The following PFDN1 variants were observed in gnomAD, a reference collection of about 807,000 sequenced individuals.
PFDN1 encodes the protein prefoldin 1.
Under a neutral mutation model 17.3 loss-of-function variants are expected in PFDN1, and 6 were observed. The observed-to-expected ratio is 0.35, with a 90% CI of 0.19 to 0.69. The LOEUF (loss-of-function observed/expected upper bound fraction) is 0.69. PFDN1 is among the 30% of genes least tolerant of loss of function. The pLI is 0.65. For synonymous variants in PFDN1, 58 were observed against 50.1 expected, an observed-to-expected ratio of 1.16 and a Z score of -0.67; for missense variants, 113 against 146.2, an observed-to-expected ratio of 0.77 and a Z score of 1.17.
intron 3 of PFDN1, among the ~76,000 whole-genome samples, chr5:140,276,199 T>G (rs1276700999): frequency 6.6e-6 from 1 of 152,166 alleles, no homozygotes; most frequent in Non-Finnish European, 1.5e-5. Flanking sequence ...TGTATCAAGC[T>G]TCCAAAGTAA....
rs1485489874 is a variant in PFDN1, at chr5:140,254,212, T to A, written c.286-8155A>T. Among the ~76,000 whole-genome samples the A allele has an allele frequency of 6.6e-6, 1 of 152,166 alleles. No individual in the cohort carries two copies. Among genetic ancestry groups the A allele is most frequent in the Non-Finnish European group, 1.5e-5 (1 of 68,026 alleles). On this transcript the variant is annotated intron_variant, in intron 3 of 3. Coordinates refer to ENST00000261813, the MANE Select transcript of PFDN1 (RefSeq NM_002622.5). The surrounding 1 kb of genome is among the most constrained non-coding windows in gnomAD (Gnocchi z 4.4). Reference sequence around the variant, plus strand: ...GTTTCGAAAGCACAGAAACAGGCAGTGGGCTGGACGGGGCAGGCGGTGGTT... The same window carrying A: ...GTTTCGAAAGCACAGAAACAGGCAGAGGGCTGGACGGGGCAGGCGGTGGTT...
intron 2 of PFDN1, among the ~76,000 whole-genome samples, chr5:140,285,602 TAATG>T (rs1765475491): frequency 6.6e-6 from 1 of 152,068 alleles, no homozygotes; most frequent in Non-Finnish European, 1.5e-5. Context: ...GTTATTGGCA[TAATG>T]AAGAGTAGAT....
intron 2 of PFDN1, among the ~76,000 whole-genome samples, chr5:140,292,084 A>T (rs1765589912): frequency 6.6e-6 from 1 of 152,140 alleles, no homozygotes; most frequent in East Asian, 1.9e-4. Context: ...TTTAAACATG[A>T]TGTTTATTTC....
intron 2 of PFDN1, among the ~76,000 whole-genome samples, chr5:140,288,138 G>A (rs763069394): frequency 2.6e-5 from 4 of 152,146 alleles, no homozygotes; most frequent in Admixed American, 6.6e-5. Flanking sequence ...ATTTGTAACC[G>A]CCAAAACTTG....
chr5:140,248,112 A>C (rs1336289033), intron 3 of PFDN1, among the ~76,000 whole-genome samples: 1 of 144,912 alleles, frequency 6.9e-6, no homozygotes, highest in Non-Finnish European at 1.5e-5. Context: ...ACTGTTGCCC[A>C]GGCTGGAGTG....
chr5:140,261,978 C>G (rs1765071818), intron 3 of PFDN1, among the ~76,000 whole-genome samples: 1 of 152,118 alleles, frequency 6.6e-6, no homozygotes, highest in African/African-American at 2.4e-5. Flanking sequence ...ACTCCACACC[C>G]ACTAAGTTAC....
intron 3 of PFDN1, among the ~76,000 whole-genome samples, chr5:140,266,709 A>G (rs1205847359): frequency 2.0e-5 from 3 of 152,276 alleles, no homozygotes; most frequent in Non-Finnish European, 4.4e-5. Context: ...ACACACACCT[A>G]AAAATTTGCT....
chr5:140,274,027 T>C lies in PFDN1; in HGVS notation c.285+7422A>G, dbSNP rs1037189057. 5 of 271,624 alleles carry C rather than the reference T, an allele frequency of 1.8e-5. No homozygotes were observed. In the Admixed American group the frequency reaches 2.6e-4, roughly 14 times the overall value. 16.8% of individuals were successfully genotyped at this position (271,624 alleles called of 1,614,324 possible). A position where few individuals can be genotyped will look rare whatever the true frequency, so the allele number is the denominator to read the frequency against. On this transcript the variant is annotated intron_variant, in intron 3 of 3. Coordinates refer to ENST00000261813, the MANE Select transcript of PFDN1 (RefSeq NM_002622.5). ...CATTTACCTCAAGGATTCCTAATAG[T>C]TGAGATTCAGAAGGTCAGGAGCTCA...
intron 3 of PFDN1, among the ~76,000 whole-genome samples, chr5:140,270,505 CTT>C (rs1765191365): frequency 6.6e-6 from 1 of 152,082 alleles, no homozygotes; most frequent in African/African-American, 2.4e-5. Context: ...TCTTAAGTCT[CTT>C]ATCTTAATCA....
chr5:140,301,155 T>TG (rs1215203374), intron 1 of PFDN1, among the ~76,000 whole-genome samples: 2 of 152,198 alleles, frequency 1.3e-5, no homozygotes, highest in East Asian at 1.9e-4. Context: ...GAACAACTAC[T>TG]GGGGGGAAGG....
At chr5:140,252,247 G>A (rs1764925908) in intron 3 of PFDN1, among the ~76,000 whole-genome samples, 1 of 152,154 alleles carries the variant, frequency 6.6e-6, no homozygotes, top group African/African-American at 2.4e-5. Flanking sequence ...TACTATGGAT[G>A]TATACGGATA....
chr5:140,296,672 C>T (rs1334720099), intron 2 of PFDN1, among the ~76,000 whole-genome samples: 1 of 152,164 alleles, frequency 6.6e-6, no homozygotes, highest in African/African-American at 2.4e-5. Context: ...GTGAGGAAAC[C>T]TATGTGGCAA....
chr5:140,257,623 T>C (rs908293454), intron 3 of PFDN1, among the ~76,000 whole-genome samples: 1 of 152,252 alleles, frequency 6.6e-6, no homozygotes, highest in African/African-American at 2.4e-5. Flanking sequence ...ATTTCTTTAT[T>C]GTCTGTATCT....
At position 140,300,483 on chromosome 5, in the gene PFDN1, G is replaced by A; in HGVS notation, c.133C>T (p.His45Tyr). 6.2e-7 allele frequency: 1 copy of A among 1,610,454 alleles called. No individual in the cohort carries two copies. Among genetic ancestry groups the A allele is most frequent in the South Asian group, 1.1e-5 (1 of 90,954 alleles). The change falls in exon 2 of 4, where the codon CAT becomes TAT. Residue 45 changes from histidine (H) to tyrosine (Y), a missense_variant. Transcript: ENST00000261813. ...EQLNRTKKHA[H>Y]LTDTEIMTLV... is the part of the protein sequence containing the mutation. ...GTCATGATCTCTGTATCTGTAAGAT[G>A]TGCATGCTTTTTCGTTCTGTTTAGC... is the stretch of plus-strand genomic sequence containing the variant.
At chr5:140,247,789 A>G (rs372907750) in intron 3 of PFDN1, among the ~76,000 whole-genome samples, 1 of 152,090 alleles carries the variant, frequency 6.6e-6, no homozygotes, top group Non-Finnish European at 1.5e-5. Flanking sequence ...AAAATTAGAC[A>G]GGTGTGGTGG....
chr5:140,253,003 A>AG (rs1169074746), intron 3 of PFDN1, among the ~76,000 whole-genome samples: 4 of 152,236 alleles, frequency 2.6e-5, no homozygotes, highest in Non-Finnish European at 5.9e-5. Context: ...ACTTCACCAG[A>AG]GGACACAGCT....
chr5:140,260,781 T>G (rs1163116005), intron 3 of PFDN1, among the ~76,000 whole-genome samples: 1 of 151,758 alleles, frequency 6.6e-6, no homozygotes, highest in African/African-American at 2.4e-5. Context: ...TACAACATTG[T>G]GTATTTTATG....
chr5:140,282,404 A>ATTT (rs34979639), intron 2 of PFDN1, among the ~76,000 whole-genome samples: 2 of 136,890 alleles, frequency 1.5e-5, no homozygotes, highest in South Asian at 2.3e-4. Flanking sequence ...GCGCCCCTCC[A>ATTT]TTTTTTTTTT....
chr5:140,292,189 G>A lies in PFDN1; in HGVS notation c.200+8227C>T, dbSNP rs61388268. Among the ~76,000 whole-genome samples the A allele has an allele frequency of 2.5e-3, 373 of 152,138 alleles. 2 individuals carry two copies. Among genetic ancestry groups the A allele is most frequent in the African/African-American group, 8.7e-3 (360 of 41,510 alleles). The stretch of plus-strand genomic sequence containing the variant: ...CTTCATCAAACCCCAAACATTCCAC[G>A]TATAGGCAGTGAGTTATTCCATAAC... On this transcript the variant is annotated intron_variant, in intron 2 of 3. Transcript: ENST00000261813.
Sources: allele counts gnomAD v4.1 joint callset (sites outside exome capture counted in the v4.1 genomes callset), GRCh38; gene constraint gnomAD v4.1.1; non-coding constraint Gnocchi (gnomAD v3.1); transcripts MANE v1.5; gene names NCBI Gene and HGNC (gene_info 2026-07-23, HGNC 2026-07-21).